The following CACNA1F variants were observed in gnomAD, a reference collection of about 807,000 sequenced individuals.
CACNA1F encodes the protein calcium voltage-gated channel subunit alpha1 F.
Under a neutral mutation model 143.8 loss-of-function variants are expected in CACNA1F, and 59 were observed. That is an observed-to-expected ratio of 0.41 (90% CI 0.33 to 0.51). The LOEUF is 0.51. Among genes scored for constraint, CACNA1F ranks in the 20% least tolerant of loss-of-function variants. The probability of loss-of-function intolerance (pLI) is 0.22; values close to 1 mark genes in which losing one functional copy is unlikely to be tolerated. For synonymous variants in CACNA1F, 643 were observed against 649.1 expected (o/e 0.99, Z 0.14); for missense variants, 1,411 against 1,647.5 (o/e 0.86, Z 2.48).
Position 49,226,367 on chromosome X carries a change from T to C in CACNA1F, c.1463+42A>G, listed in dbSNP as rs782819210. 7 of 1,149,655 alleles carry C rather than the reference T, an allele frequency of 6.1e-6. No individual in the cohort carries two copies. The South Asian group carries it at 1.3e-4, about 22-fold the overall frequency. The allele number at this position is 1,149,655 out of a possible 1,213,427, so 94.7% of individuals were successfully genotyped here. A position where few individuals can be genotyped will look rare whatever the true frequency, so the allele number is the denominator to read the frequency against. On this transcript the variant is annotated intron_variant, in intron 11 of 47. Transcript: ENST00000323022. ...TAAAGAAAGGACTTGAGTCAGGGTT[T>C]GGACTGGCTTCTGGGCTGGGTCAGG... is the stretch of plus-strand genomic sequence containing the variant.
At chrX:49,212,632 C>T (rs782765271) in intron 33 of CACNA1F, 35 bp downstream of exon 33, 34 of 1,193,670 alleles carry the variant, frequency 2.8e-5, no homozygotes, top group African/African-American at 5.4e-5. Flanking sequence ...GAAATGGGGG[C>T]GAGGTATGGT....
intron 46 of CACNA1F, among the ~76,000 whole-genome samples, chrX:49,206,121 G>A (rs1329234968): frequency 3.6e-5 from 4 of 110,690 alleles, no homozygotes; most frequent in East Asian, 2.8e-4. Flanking sequence ...GGCCAGGCGC[G>A]GTGGCTTATG....
intron 17 of CACNA1F, 112 bp from the exon 18 acceptor site, chrX:49,221,192 T>G: frequency 1.6e-6 from 1 of 618,886 alleles, no homozygotes; most frequent in Non-Finnish European, 2.7e-6. Context: ...TCTTCCCCAC[T>G]GCCCCTCCCA....
At chrX:49,218,369 G>T in intron 24 of CACNA1F, 86 bp downstream of exon 24, 3 of 743,512 alleles carry the variant, frequency 4.0e-6, no homozygotes, top group Non-Finnish European at 6.1e-6. Context: ...TCATGCATCC[G>T]TGCAAATGGT....
chrX:49,206,787 T>A lies in CACNA1F; in HGVS notation c.5300A>T (p.Gln1767Leu), dbSNP rs782485682. The change falls in exon 45 of 48, where the codon CAG becomes CTG. Residue 1767 changes from glutamine (Q) to leucine (L), a missense_variant. By Grantham distance (113) the Gln-to-Leu change is moderately radical. Coordinates refer to ENST00000323022, the MANE Select transcript of CACNA1F (RefSeq NM_001256789.3). The part of the protein sequence containing the change: ...CSVLLPPHRA[Q>L]RYMDGHLVPR... The stretch of plus-strand genomic sequence containing the variant: ...TACCAGGTGCCCATCCATGTATCTC[T>A]GAGCTCTGTGAGGTGGCAAAAGGAC... 8.3e-7 allele frequency: 1 copy of A among 1,207,951 alleles called. No individual in the cohort carries two copies. The highest frequency in any genetic ancestry group is 1.1e-6 in the Non-Finnish European group (1 of 892,949).
At position 49,218,524 on chromosome X, in the gene CACNA1F, C is replaced by A; in HGVS notation, c.2859G>T (p.Val953=). ...SFGIHSSAIS[V]VKILRVLRVL... ...CTCGGAGTACTCGCAGAATCTTCAC[C>A]ACCGAGATGGCGCTGGAGCTGGGGA... Residue 953 remains valine (V), a synonymous_variant, in exon 24 of 48, where the codon GTG becomes GTT. Transcript: ENST00000323022. The A allele has an allele frequency of 8.4e-7, 1 of 1,191,434 alleles. No individual in the cohort carries two copies.
In CACNA1F at chrX:49,214,099, A is replaced by G. The variant is rs954505401; in HGVS notation, c.3708+60T>C. The G allele has an allele frequency of 2.5e-5, 20 of 813,921 alleles. No individual in the cohort carries two copies. In the African/African-American group the frequency reaches 3.9e-4, roughly 16 times the overall value. The allele number at this position is 813,921 out of a possible 1,213,427, so 67.1% of individuals were successfully genotyped here. A position where few individuals can be genotyped will look rare whatever the true frequency, so the allele number is the denominator to read the frequency against. ...GCATCGCCAACCCCAGAGCTCTGCA[A>G]TGAGCTCCACTCCCAAGGAATTCAT... On this transcript the variant is annotated intron_variant, in intron 30 of 47. Transcript: ENST00000323022.
At position 49,215,548 on chromosome X, in the gene CACNA1F, G is replaced by A; in HGVS notation, c.3237-5C>T. The A allele has an allele frequency of 8.8e-7, 1 of 1,141,783 alleles. No individual in the cohort carries two copies. Among genetic ancestry groups the A allele is most frequent in the Non-Finnish European group, 1.2e-6 (1 of 837,815 alleles). The allele number at this position is 1,141,783 out of a possible 1,213,427, so 94.1% of individuals were successfully genotyped here. ...TCGATGGCCTTGTATAGCAGTCTGT[G>A]GGAGCCAGAGGGGGGGTAGAGGTGG... is the stretch of plus-strand genomic sequence containing the variant. On this transcript the variant is annotated splice_region_variant and splice_polypyrimidine_tract_variant and intron_variant, in intron 27 of 47. Coordinates refer to ENST00000323022, the MANE Select transcript of CACNA1F (RefSeq NM_001256789.3).
chrX:49,216,359 A>G, intron 27 of CACNA1F, 23 bp downstream of exon 27: 1 of 1,207,547 alleles, frequency 8.3e-7, no homozygotes, highest in Non-Finnish European at 1.1e-6. Context: ...ATCCCCTGAT[A>G]AACCCAGGGC....
intron 42 of CACNA1F, 75 bp from the exon 43 acceptor site, chrX:49,208,759 C>A: frequency 2.1e-6 from 2 of 937,474 alleles, no homozygotes; most frequent in Non-Finnish European, 3.1e-6. Context: ...ATGTCTCCCC[C>A]ACAGGTCCAT....
rs1557106772 is a variant in CACNA1F at position 49,213,802 on chromosome X, G to C, written c.3792+17C>G. On this transcript the variant is annotated intron_variant, in intron 31 of 47. Coordinates refer to ENST00000323022, the MANE Select transcript of CACNA1F (RefSeq NM_001256789.3). ...TGTATAGGGCGAGAGTGGATTAGTG[G>C]AAAGGCCAGTTCTCACATTGACTTC... 2.6e-6 allele frequency: 3 copies of C among 1,133,184 alleles called. No individual in the cohort carries two copies. The highest frequency in any genetic ancestry group is 1.8e-5 in the African/African-American group (1 of 55,625). The allele number at this position is 1,133,184 out of a possible 1,213,427, so 93.4% of individuals were successfully genotyped here. A position where few individuals can be genotyped will look rare whatever the true frequency, so the allele number is the denominator to read the frequency against.
chrX:49,209,433 T>C, intron 41 of CACNA1F, 40 bp from the exon 42 acceptor site: 1 of 1,190,928 alleles, frequency 8.4e-7, no homozygotes, highest in Non-Finnish European at 1.1e-6. Context: ...CAGCTCAGGG[T>C]CTGAACTTTC....
intron 42 of CACNA1F, 61 bp from the exon 43 acceptor site, chrX:49,208,745 T>A: frequency 9.6e-7 from 1 of 1,041,064 alleles, no homozygotes; most frequent in Non-Finnish European, 1.3e-6. Flanking sequence ...TTTGGTCATA[T>A]AACATGTCTC....
chrX:49,223,796 A>G (rs1314000085), intron 14 of CACNA1F, among the ~76,000 whole-genome samples: 1 of 100,817 alleles, frequency 9.9e-6, no homozygotes, highest in African/African-American at 3.7e-5. Context: ...CAGTGGCACA[A>G]TCTCGTCTCA....
rs368889312 is a variant in CACNA1F at position 49,215,560 on chromosome X, G to A, written c.3237-17C>T. 4 of 1,088,259 alleles carry A rather than the reference G, an allele frequency of 3.7e-6. No homozygotes were observed. Among genetic ancestry groups the A allele is most frequent in the East Asian group, 6.1e-5 (2 of 32,561 alleles). 89.7% of individuals were successfully genotyped at this position (1,088,259 alleles called of 1,213,427 possible). ...TATAGCAGTCTGTGGGAGCCAGAGG[G>A]GGGGTAGAGGTGGGGGCAGGTGAGG... On this transcript the variant is annotated splice_polypyrimidine_tract_variant and intron_variant, in intron 27 of 47. Coordinates refer to ENST00000323022, the MANE Select transcript of CACNA1F (RefSeq NM_001256789.3).
chrX:49,209,774 GA>G lies in CACNA1F; in HGVS notation c.4691-16del. 2.5e-6 allele frequency: 3 copies of G among 1,210,627 alleles called. No homozygotes were observed. The South Asian group carries it at 5.3e-5, about 21-fold the overall frequency. On this transcript the variant is annotated splice_polypyrimidine_tract_variant and intron_variant, in intron 40 of 47. Transcript: ENST00000323022. ...GACCTCCTCCTCTAGGGGCAAGGGA[GA>G]GAAGGCAAGATCACACAGGGGCCCT...
chrX:49,213,952 A>G, intron 30 of CACNA1F, 50 bp from the exon 31 acceptor site: 2 of 951,906 alleles, frequency 2.1e-6, no homozygotes, highest in Non-Finnish European at 3.0e-6. Flanking sequence ...CTCGCAAGCC[A>G]GGGTAGGGGG....
intron 42 of CACNA1F, 130 bp downstream of exon 42, chrX:49,209,132 T>C: frequency 1.3e-6 from 1 of 798,797 alleles, no homozygotes; most frequent in Non-Finnish European, 1.9e-6. Context: ...CAGCCTCAAA[T>C]AAATATTTTT....
In CACNA1F at chrX:49,213,844, A is replaced by T; in HGVS notation, c.3767T>A (p.Val1256Glu). The T allele has an allele frequency of 8.3e-7, 1 of 1,201,782 alleles. No homozygotes were observed. Among genetic ancestry groups the T allele is most frequent in the Non-Finnish European group, 1.1e-6 (1 of 886,287 alleles). ...ATTGACTTCAGTGACGGCAATATCC[A>T]CTATGCTGCCCACCACAATAAGAGC... ...FDALIVVGSI[V>E]DIAVTEVNNG... The change falls in exon 31 of 48, where the codon GTG becomes GAG. Residue 1256 changes from valine to glutamate, a missense_variant. Around this residue, in one of 3 missense-constraint regions of CACNA1F, gnomAD observed 950 missense variants for 1,128.1 expected, o/e 0.84. Coordinates refer to ENST00000323022, the MANE Select transcript of CACNA1F (RefSeq NM_001256789.3).
Sources: gnomAD v4.1 joint callset for allele counts (sites outside exome capture counted in the v4.1 genomes callset) on GRCh38, gnomAD v4.1.1 for gene constraint, gnomAD v4.1.1 regional missense constraint, MANE v1.5 for transcripts, NCBI Gene and HGNC (gene_info 2026-07-23, HGNC 2026-07-21) for gene names.